IPP: variants seen among roughly 807,000 people sequenced by gnomAD.
IPP encodes the protein actin-binding protein IPP.
A neutral mutation model predicts 64.1 loss-of-function variants in IPP; 41 were observed. The observed-to-expected ratio is 0.64, with a 90% CI of 0.50 to 0.83. The LOEUF is 0.83. Ranked by LOEUF, IPP falls within the 40% of genes least tolerant of loss-of-function variation. The pLI is 0.00. For missense variants in IPP, 649 were observed against 703.0 expected (o/e 0.92, Z 0.87); for synonymous variants, 214 against 235.2 (o/e 0.91, Z 0.83).
intron 5 of IPP, among the ~76,000 whole-genome samples, chr1:45,724,793 T>G (rs80050446): frequency 1.5e-5 from 2 of 133,270 alleles, no homozygotes; most frequent in African/African-American, 5.9e-5. Flanking sequence ...CAGCCGCCCC[T>G]TCTGAGAAGT....
chr1:45,728,850 G>A (rs1645868003), intron 4 of IPP, among the ~76,000 whole-genome samples: 1 of 152,076 alleles, frequency 6.6e-6, no homozygotes, highest in Non-Finnish European at 1.5e-5. Flanking sequence ...ATATGTGGCA[G>A]GGCACAGTGG....
At chr1:45,724,243 C>A (rs899750365) in intron 5 of IPP, among the ~76,000 whole-genome samples, 4 of 152,178 alleles carry the variant, frequency 2.6e-5, no homozygotes, top group African/African-American at 9.7e-5. Flanking sequence ...CTTCGCCTCC[C>A]GAGGTGCCGG....
intron 3 of IPP, among the ~76,000 whole-genome samples, chr1:45,732,835 T>G (rs1645929193): frequency 6.6e-6 from 1 of 151,870 alleles, no homozygotes; most frequent in Admixed American, 6.6e-5. Flanking sequence ...CCTGGCTAAT[T>G]TTTGTATTTA....
chr1:45,747,947 A>G (rs140743119), intron 1 of IPP, among the ~76,000 whole-genome samples: 64 of 152,026 alleles, frequency 4.2e-4, no homozygotes, highest in African/African-American at 1.5e-3. Flanking sequence ...TTTAGGTATC[A>G]ATGACAATGG....
At chr1:45,737,124 AT>A (rs1384098914) in intron 3 of IPP, among the ~76,000 whole-genome samples, 2 of 151,968 alleles carry the variant, frequency 1.3e-5, no homozygotes, top group African/African-American at 4.8e-5. Flanking sequence ...AGCAGAAGAA[AT>A]TTCTGTTAGT....
intron 2 of IPP, among the ~76,000 whole-genome samples, chr1:45,741,713 C>T (rs1412492392): frequency 1.6e-5 from 2 of 124,930 alleles, no homozygotes; most frequent in Admixed American, 8.4e-5. Flanking sequence ...ACTGCAAGCT[C>T]CGCCTCCCAG....
At chr1:45,725,239 C>T (rs1570003523) in intron 5 of IPP, among the ~76,000 whole-genome samples, 8 of 133,730 alleles carry the variant, frequency 6.0e-5, no homozygotes, top group Non-Finnish European at 9.8e-5. Context: ...CCTGGCCAGC[C>T]GCCCCGTCCG....
chr1:45,742,917 A>C (rs1368240965), intron 2 of IPP, among the ~76,000 whole-genome samples: 1 of 150,622 alleles, frequency 6.6e-6, no homozygotes, highest in Non-Finnish European at 1.5e-5. Flanking sequence ...CAAGGGCTTC[A>C]CTTTCTTTTT....
chr1:45,721,584 A>C (rs891210809), intron 5 of IPP, among the ~76,000 whole-genome samples: 1 of 152,150 alleles, frequency 6.6e-6, no homozygotes, highest in Admixed American at 6.6e-5. Context: ...CCTTTGGCTG[A>C]TTTTGTTTTC....
chr1:45,708,333 G>A (rs1258104208), intron 8 of IPP, among the ~76,000 whole-genome samples: 1 of 150,938 alleles, frequency 6.6e-6, no homozygotes. Flanking sequence ...CAAAGTGCTG[G>A]AGTAACAGGC....
intron 3 of IPP, among the ~76,000 whole-genome samples, chr1:45,736,185 T>C (rs186646955): frequency 8.5e-5 from 13 of 152,176 alleles, no homozygotes; most frequent in African/African-American, 3.1e-4. Flanking sequence ...CTCAAACTCC[T>C]GGTCTCAAGT....
chr1:45,700,339 T>C, intron 8 of IPP, 149 bp from the exon 9 acceptor site: 5 of 1,167,420 alleles, frequency 4.3e-6, no homozygotes, highest in Non-Finnish European at 5.8e-6. Context: ...TTTTTCTTTT[T>C]TTTGCTTTGT....
chr1:45,720,378 C>T (rs28817701), intron 5 of IPP, among the ~76,000 whole-genome samples: 43,296 of 151,640 alleles, frequency 0.29, 6,310 homozygotes, highest in South Asian at 0.37. Flanking sequence ...ATGAATAATG[C>T]TCATGAATTA....
intron 1 of IPP, among the ~76,000 whole-genome samples, chr1:45,746,700 T>G (rs1182803099): frequency 6.6e-6 from 1 of 152,128 alleles, no homozygotes; most frequent in Non-Finnish European, 1.5e-5. Context: ...AACTGAAAGA[T>G]AAACAGTTAA....
chr1:45,716,843 A>G (rs900314473), intron 7 of IPP, 52 bp downstream of exon 7: 25 of 1,541,674 alleles, frequency 1.6e-5, no homozygotes, highest in Non-Finnish European at 2.1e-5. Flanking sequence ...CTCAAACTCA[A>G]ACAGTTTTTC....
chr1:45,704,840 C>G (rs1645496948), intron 8 of IPP, among the ~76,000 whole-genome samples: 1 of 152,208 alleles, frequency 6.6e-6, no homozygotes, highest in South Asian at 2.1e-4. Flanking sequence ...GTAAGACACA[C>G]CCACCAGTGC....
intron 5 of IPP, among the ~76,000 whole-genome samples, chr1:45,726,095 A>AT (rs1645822487): frequency 6.7e-6 from 1 of 150,042 alleles, no homozygotes; most frequent in Non-Finnish European, 1.5e-5. Context: ...TAAAAAAAAT[A>AT]AATAAATAAA....
chr1:45,738,844 A>AC (rs746761898), intron 3 of IPP, among the ~76,000 whole-genome samples: 35,926 of 144,466 alleles, frequency 0.25, 5,209 homozygotes, highest in South Asian at 0.33. Flanking sequence ...CATCTCAAAA[A>AC]AAAAAAAAAA....
intron 8 of IPP, among the ~76,000 whole-genome samples, chr1:45,703,100 G>C (rs1645474958): frequency 6.6e-6 from 1 of 151,300 alleles, no homozygotes; most frequent in Non-Finnish European, 1.5e-5. Context: ...TTGTTCGTTT[G>C]TTTTAAAGAC....
Sources: allele counts gnomAD v4.1 joint callset (sites outside exome capture counted in the v4.1 genomes callset), GRCh38; gene constraint gnomAD v4.1.1; transcripts MANE v1.5; gene names NCBI Gene and HGNC (gene_info 2026-07-23, HGNC 2026-07-21).